Variants in PRDM16 observed in about 807,000 individuals in gnomAD.
PRDM16 encodes histone-lysine N-methyltransferase PRDM16.
In PRDM16, 23 loss-of-function variants were observed where a neutral mutation model predicts 110.6. The ratio of observed to expected loss-of-function variants is 0.21; its 90% confidence interval spans 0.15 to 0.29. PRDM16 has a LOEUF of 0.29. Among genes scored for constraint, PRDM16 ranks in the 10% least tolerant of loss-of-function variants. The pLI is 1.00. For synonymous variants in PRDM16, 799 were observed against 781.8 expected (o/e 1.02, Z -0.37); for missense variants, 1,615 against 1,794.3 (o/e 0.90, Z 1.81).
intron 1 of PRDM16, among the ~76,000 whole-genome samples, chr1:3,076,022 G>T (rs933145459): frequency 6.6e-6 from 1 of 152,218 alleles, no homozygotes; most frequent in African/African-American, 2.4e-5. Flanking sequence ...CTTCAAATGT[G>T]CAGAACCAGG....
intron 1 of PRDM16, among the ~76,000 whole-genome samples, chr1:3,099,377 C>T (rs377114623): frequency 3.3e-5 from 5 of 152,360 alleles, no homozygotes; most frequent in South Asian, 2.1e-4. Context: ...GATGTGTGCC[C>T]GCTATGTGGC....
At chr1:3,379,949 C>G (rs1569623182) in intron 3 of PRDM16, among the ~76,000 whole-genome samples, 1 of 70,938 alleles carries the variant, frequency 1.4e-5, no homozygotes, top group East Asian at 4.5e-4. Flanking sequence ...TCCCAACACA[C>G]CCCTCCCAAC....
chr1:3,281,926 G>T (rs989589776), intron 3 of PRDM16, among the ~76,000 whole-genome samples: 1 of 152,224 alleles, frequency 6.6e-6, no homozygotes, highest in African/African-American at 2.4e-5. Flanking sequence ...CTGGCATGAG[G>T]CCAAGGTGGG....
intron 4 of PRDM16, among the ~76,000 whole-genome samples, chr1:3,395,413 G>C (rs1385831318): frequency 6.6e-6 from 1 of 152,156 alleles, no homozygotes; most frequent in African/African-American, 2.4e-5. Flanking sequence ...AGGAGCCTCA[G>C]CCCCAGGTCT....
intron 3 of PRDM16, among the ~76,000 whole-genome samples, chr1:3,257,202 C>T (rs962756389): frequency 1.3e-5 from 2 of 152,148 alleles, no homozygotes; most frequent in Admixed American, 1.3e-4. Context: ...TCCTTGTGGT[C>T]CAGGGTTGTG....
At chr1:3,168,984 G>A (rs1481362667) in intron 1 of PRDM16, among the ~76,000 whole-genome samples, 1 of 152,144 alleles carries the variant, frequency 6.6e-6, no homozygotes, top group Non-Finnish European at 1.5e-5. Flanking sequence ...CAGTGCAAGG[G>A]GACATGGGGC....
At chr1:3,182,192 T>C (rs1019201604) in intron 1 of PRDM16, among the ~76,000 whole-genome samples, 3 of 152,240 alleles carry the variant, frequency 2.0e-5, no homozygotes, top group South Asian at 2.1e-4. Flanking sequence ...GCCAGGCAGA[T>C]ACCGACTCCG....
chr1:3,327,494 G>A (rs1203949672), intron 3 of PRDM16, among the ~76,000 whole-genome samples: 4 of 149,774 alleles, frequency 2.7e-5, no homozygotes, highest in Non-Finnish European at 5.9e-5. Context: ...GACCAACAAC[G>A]GCGGCGGCCC....
intron 2 of PRDM16, 100 bp downstream of exon 2, chr1:3,186,574 C>T (rs1644271238): frequency 1.2e-5 from 9 of 746,588 alleles, no homozygotes; most frequent in Middle Eastern, 2.5e-4. Flanking sequence ...AGGCGGGAGG[C>T]GCGGCCAGAG....
At chr1:3,429,876 G>A (rs1036755696) in intron 14 of PRDM16, among the ~76,000 whole-genome samples, 13 of 152,316 alleles carry the variant, frequency 8.5e-5, no homozygotes, top group African/African-American at 2.2e-4. Flanking sequence ...GAGGTCGGTC[G>A]CCGTGAGACG....
chr1:3,275,978 C>T (rs1468394418), intron 3 of PRDM16, among the ~76,000 whole-genome samples: 5 of 152,196 alleles, frequency 3.3e-5, no homozygotes, highest in East Asian at 1.9e-4. Context: ...CTCCAGCACA[C>T]GCGTGCCTGC....
At chr1:3,422,742 G>A (rs991668492) in intron 12 of PRDM16, among the ~76,000 whole-genome samples, 10 of 152,156 alleles carry the variant, frequency 6.6e-5, no homozygotes, top group South Asian at 2.1e-4. Context: ...CTCCATCCTC[G>A]GCCTTATTCT....
intron 3 of PRDM16, among the ~76,000 whole-genome samples, chr1:3,253,583 C>A (rs987150352): frequency 1.3e-5 from 2 of 151,560 alleles, no homozygotes; most frequent in Non-Finnish European, 2.9e-5. Flanking sequence ...GTATATGTGC[C>A]ACATTTTCTT....
chr1:3,328,844 A>T (rs1342401154), intron 3 of PRDM16, among the ~76,000 whole-genome samples: 2 of 152,104 alleles, frequency 1.3e-5, no homozygotes, highest in Admixed American at 6.5e-5. Context: ...TTTCCTACGT[A>T]AAAGGTGAGA....
In PRDM16 at chr1:3,246,982, G is replaced by A. The variant is rs954014201; in HGVS notation, c.438+2845G>A. On this transcript the variant is annotated intron_variant, in intron 3 of 16. Coordinates refer to ENST00000270722, the MANE Select transcript of PRDM16 (RefSeq NM_022114.4). This position sits in a 1 kb window ranked among gnomAD's most constrained non-coding sequence, Gnocchi z 5.2. ...CACTTAGAGCTGTTGGTATAGGTGC[G>A]ATGTGTGGATTGCTGCCGTAACTGT... 6.6e-6 allele frequency among the ~76,000 whole-genome samples: 1 copy of A among 152,162 alleles called. No homozygotes were observed. The highest frequency in any genetic ancestry group is 1.5e-5 in the Non-Finnish European group (1 of 68,034).
At chr1:3,254,252 A>G (rs1446545706) in intron 3 of PRDM16, among the ~76,000 whole-genome samples, 2 of 152,174 alleles carry the variant, frequency 1.3e-5, no homozygotes, top group Non-Finnish European at 2.9e-5. Context: ...TGCACAAAAC[A>G]AAAGGGATGC....
chr1:3,180,246 G>A (rs532928968), intron 1 of PRDM16, among the ~76,000 whole-genome samples: 84 of 151,712 alleles, frequency 5.5e-4, no homozygotes, highest in Middle Eastern at 3.4e-3. Context: ...AAGGTATCTC[G>A]GAGCCGGGCA....
At chr1:3,229,523 C>T (rs1423717451) in intron 2 of PRDM16, among the ~76,000 whole-genome samples, 4 of 152,204 alleles carry the variant, frequency 2.6e-5, no homozygotes, top group African/African-American at 7.2e-5. Context: ...AATCAAAGCG[C>T]CACCTCCCAT....
intron 3 of PRDM16, among the ~76,000 whole-genome samples, chr1:3,284,938 G>C (rs1640812277): frequency 6.6e-6 from 1 of 152,354 alleles, no homozygotes; most frequent in African/African-American, 2.4e-5. Context: ...TTCCTGGGCT[G>C]TAAGCCCTGA....
Sources: gnomAD v4.1 joint callset for allele counts (sites outside exome capture counted in the v4.1 genomes callset) on GRCh38, gnomAD v4.1.1 for gene constraint, Gnocchi (gnomAD v3.1) non-coding constraint, MANE v1.5 for transcripts, NCBI Gene and HGNC (gene_info 2026-07-23, HGNC 2026-07-21) for gene names.